KDM4B: variants seen among roughly 807,000 people sequenced by gnomAD.
KDM4B encodes the protein lysine-specific demethylase 4B.
A neutral mutation model predicts 125.2 loss-of-function variants in KDM4B; 32 were observed. The ratio of observed to expected loss-of-function variants is 0.26; its 90% confidence interval spans 0.19 to 0.34. KDM4B has a LOEUF of 0.34. Ranked by LOEUF, KDM4B falls within the 10% of genes least tolerant of loss-of-function variation. The pLI, the probability that KDM4B is intolerant of heterozygous loss-of-function variation, is 1.00. For missense variants in KDM4B, 1,190 were observed against 1,577.7 expected (o/e 0.75, Z 4.16); for synonymous variants, 721 against 677.9 (o/e 1.06, Z -0.99).
At position 5,131,955 on chromosome 19, in the gene KDM4B, G is replaced by A. The variant is rs755937200; in HGVS notation, c.1854G>A (p.Pro618=). The change falls in exon 13 of 23, where the codon CCG becomes CCA. Residue 618 remains proline, a synonymous_variant. Coordinates refer to ENST00000159111, the MANE Select transcript of KDM4B (RefSeq NM_015015.3). ...GCCGGCGCCATCCCCTGGGCCGGCC[G>A]CCCACCCGGTCCCCACTGTCGGTGG... ...KKSRRHPLGR[P]PTRSPLSVVK... 21 of 1,611,840 alleles carry A rather than the reference G, an allele frequency of 1.3e-5. No homozygotes were observed. The highest frequency in any genetic ancestry group is 3.3e-5 in the South Asian group (3 of 90,936).
At chr19:5,119,532 C>G in intron 10 of KDM4B, 121 bp from the exon 11 acceptor site, 1 of 995,832 alleles carries the variant, frequency 1.0e-6, no homozygotes, top group Non-Finnish European at 1.6e-6. Context: ...CAGGAGGCCC[C>G]CTGCTCATGG....
At chr19:5,118,501 A>G (rs1398493266) in intron 10 of KDM4B, among the ~76,000 whole-genome samples, 1 of 152,060 alleles carries the variant, frequency 6.6e-6, no homozygotes, top group Non-Finnish European at 1.5e-5. Context: ...GAGGAGGTGC[A>G]GATATCACAT....
intron 2 of KDM4B, among the ~76,000 whole-genome samples, chr19:5,019,363 T>C (rs1348761554): frequency 3.6e-4 from 51 of 140,442 alleles, no homozygotes; most frequent in Admixed American, 6.4e-4. Context: ...TGTGCAGGTG[T>C]TGGTGTGGAC....
At chr19:5,135,281 G>T (rs553434904) in intron 14 of KDM4B, 58 bp from the exon 15 acceptor site, 2 of 1,263,110 alleles carry the variant, frequency 1.6e-6, no homozygotes, top group East Asian at 4.7e-5. Flanking sequence ...GGTCCGCGCC[G>T]CCCGCCCGCC....
In KDM4B at chr19:5,084,440, A is replaced by G. The variant is rs905421313; in HGVS notation, c.918+1936A>G. The stretch of plus-strand genomic sequence containing the variant: ...TAATTTATATATATAAATATAAATT[A>G]TATATGTTATAATAATTTATATATT... On this transcript the variant is annotated intron_variant, in intron 9 of 22. Coordinates refer to ENST00000159111, the MANE Select transcript of KDM4B (RefSeq NM_015015.3). Among the ~76,000 whole-genome samples, 130 of 140,482 alleles carry G rather than the reference A, an allele frequency of 9.3e-4. 1 individual carries two copies. The highest frequency in any genetic ancestry group is 2.9e-3 in the African/African-American group (112 of 38,318). The allele number at this position is 140,482 out of a possible 152,430, so 92.2% of individuals were successfully genotyped here. A position where few individuals can be genotyped will look rare whatever the true frequency, so the allele number is the denominator to read the frequency against.
intron 2 of KDM4B, among the ~76,000 whole-genome samples, chr19:5,032,007 C>T (rs1052156549): frequency 5.3e-5 from 8 of 152,310 alleles, no homozygotes; most frequent in African/African-American, 1.7e-4. Context: ...GGGATTCTGT[C>T]GTCTTTCTGC....
rs1250979069 is a variant in KDM4B, at chr19:4,971,800, C to T, written c.-109+2570C>T. 2.0e-5 allele frequency among the ~76,000 whole-genome samples: 3 copies of T among 152,134 alleles called. No homozygotes were observed. The highest frequency in any genetic ancestry group is 2.0e-4 in the Admixed American group (3 of 15,270). ...GGTGCATTTGTAGGTGGCTTTGTTC[C>T]CTGGATCGGGGAGCGGAATTGGGGG... On this transcript the variant is annotated intron_variant, in intron 1 of 22. Coordinates refer to ENST00000159111, the MANE Select transcript of KDM4B (RefSeq NM_015015.3). The surrounding 1 kb of genome is among the most constrained non-coding windows in gnomAD (Gnocchi z 4.1).
intron 21 of KDM4B, among the ~76,000 whole-genome samples, chr19:5,147,810 C>A (rs996892556): frequency 1.3e-5 from 2 of 151,088 alleles, no homozygotes; most frequent in African/African-American, 4.9e-5. Context: ...GCTGTGGAAT[C>A]AGGAATGGGT....
At chr19:5,129,571 C>T (rs894016651) in intron 11 of KDM4B, among the ~76,000 whole-genome samples, 1 of 152,122 alleles carries the variant, frequency 6.6e-6, no homozygotes, top group Non-Finnish European at 1.5e-5. Flanking sequence ...CTTATTTTTC[C>T]AGCCTGTTGG....
chr19:5,115,563 A>G lies in KDM4B; in HGVS notation c.1116-4090A>G, dbSNP rs1335383473. ...AGGCCCAGCTCACACACGGCTTGGC[A>G]CCGTGCACAGAGGGATCAACGGCCA... On this transcript the variant is annotated intron_variant, in intron 10 of 22. Coordinates refer to ENST00000159111, the MANE Select transcript of KDM4B (RefSeq NM_015015.3). This position sits in a 1 kb window ranked among gnomAD's most constrained non-coding sequence, Gnocchi z 4.2. 6.6e-6 allele frequency among the ~76,000 whole-genome samples: 1 copy of G among 152,150 alleles called. No homozygotes were observed. The highest frequency in any genetic ancestry group is 1.5e-5 in the Non-Finnish European group (1 of 68,024).
intron 1 of KDM4B, among the ~76,000 whole-genome samples, chr19:5,007,771 T>C (rs1452597588): frequency 1.3e-5 from 2 of 152,116 alleles, no homozygotes; most frequent in African/African-American, 4.8e-5. Context: ...TAGTCTGGTC[T>C]TGAACTCCTG....
chr19:5,100,050 C>G (rs554990754), intron 9 of KDM4B, among the ~76,000 whole-genome samples: 1 of 152,366 alleles, frequency 6.6e-6, no homozygotes, highest in Non-Finnish European at 1.5e-5. Context: ...GGTTCTCATT[C>G]AGTGCTGCTG....
At position 5,082,686 on chromosome 19, in the gene KDM4B, G is replaced by C. The variant is rs994422019; in HGVS notation, c.918+182G>C. The stretch of plus-strand genomic sequence containing the variant: ...TTTTGCCCAGAACGCTCCTTACCTC[G>C]AAGACTGGAGAGGAGGTGGGCAGGT... On this transcript the variant is annotated intron_variant, in intron 9 of 22. Coordinates refer to ENST00000159111, the MANE Select transcript of KDM4B (RefSeq NM_015015.3). This position sits in a 1 kb window ranked among gnomAD's most constrained non-coding sequence, Gnocchi z 5.4. 6.6e-6 allele frequency among the ~76,000 whole-genome samples: 1 copy of C among 152,174 alleles called. No homozygotes were observed. The highest frequency in any genetic ancestry group is 1.5e-5 in the Non-Finnish European group (1 of 68,016).
chr19:5,091,912 C>T (rs910174291), intron 9 of KDM4B, among the ~76,000 whole-genome samples: 10 of 151,608 alleles, frequency 6.6e-5, no homozygotes, highest in Admixed American at 2.0e-4. Context: ...TCGTGTGTGC[C>T]GCAAACTGCT....
At chr19:5,073,532 A>G (rs1417357623) in intron 7 of KDM4B, among the ~76,000 whole-genome samples, 1 of 152,234 alleles carries the variant, frequency 6.6e-6, no homozygotes, top group Non-Finnish European at 1.5e-5. Context: ...GACTACAGTT[A>G]GCCACTGTCC....
chr19:4,969,787 C>T (rs2271451), intron 1 of KDM4B, among the ~76,000 whole-genome samples: 1 of 151,538 alleles, frequency 6.6e-6, no homozygotes, highest in Admixed American at 6.6e-5. Flanking sequence ...TGCTCCTGCA[C>T]TGCCCCCACC....
intron 11 of KDM4B, among the ~76,000 whole-genome samples, chr19:5,127,658 G>T (rs895811489): frequency 1.3e-5 from 2 of 152,226 alleles, no homozygotes; most frequent in Non-Finnish European, 2.9e-5. Context: ...GACAGAACCA[G>T]GCAGCCAACC....
In KDM4B at chr19:5,032,176, G is replaced by C. The variant is rs374053299; in HGVS notation, c.-25-690G>C. Among the ~76,000 whole-genome samples, 4 of 152,354 alleles carry C rather than the reference G, an allele frequency of 2.6e-5. No individual in the cohort carries two copies. The South Asian group carries it at 8.3e-4, about 32-fold the overall frequency. On this transcript the variant is annotated intron_variant, in intron 2 of 22. Transcript: ENST00000159111. ...TCCGTGGAGAGGACAGTCTGACTCC[G>C]ATGTTTCCAGGCGGGTGCCGTCAGT...
chr19:4,975,594 T>A (rs1364680631), intron 1 of KDM4B, among the ~76,000 whole-genome samples: 4 of 59,244 alleles, frequency 6.8e-5, no homozygotes, highest in East Asian at 2.5e-3. Context: ...AGTGAATGAA[T>A]TTTTTTTTTT....
Sources: allele counts gnomAD v4.1 joint callset (sites outside exome capture counted in the v4.1 genomes callset), GRCh38; gene constraint gnomAD v4.1.1; non-coding constraint Gnocchi (gnomAD v3.1); transcripts MANE v1.5; gene names NCBI Gene and HGNC (gene_info 2026-07-23, HGNC 2026-07-21).